The following DNAH11 variants were observed in gnomAD, a reference collection of about 807,000 sequenced individuals.
The protein encoded by DNAH11 is dynein axonemal heavy chain 11.
Under a neutral mutation model 526.0 loss-of-function variants are expected in DNAH11, and 442 were observed. The observed-to-expected ratio is 0.84, with a 90% CI of 0.78 to 0.91. The LOEUF (loss-of-function observed/expected upper bound fraction) is 0.91. DNAH11 is among the 40% of genes least tolerant of loss of function. DNAH11 has a pLI of 0.00. For missense variants in DNAH11, 6,989 were observed against 5,448.7 expected (o/e 1.28, Z -8.90); for synonymous variants, 2,461 against 1,935.9 (o/e 1.27, Z -7.12).
Position 21,854,318 on chromosome 7 carries a change from A to G in DNAH11, c.11065A>G (p.Ile3689Val), listed in dbSNP as rs1554288889. 6.2e-7 allele frequency: 1 copy of G among 1,613,742 alleles called. No homozygotes were observed. Among genetic ancestry groups the G allele is most frequent in the Non-Finnish European group, 8.5e-7 (1 of 1,179,796 alleles). ...TTVAEIEHKVIEAKENERKIN... is the reference protein window; with the variant it reads ...TTVAEIEHKVVEAKENERKIN... Reference sequence around the variant, plus strand: ...ATTTTGTTTGATCCCACCATAGGTGATTGAAGCCAAAGAAAATGAAAGAAA... The same window carrying G: ...ATTTTGTTTGATCCCACCATAGGTGGTTGAAGCCAAAGAAAATGAAAGAAA... Residue 3689 changes from isoleucine (I) to valine (V), a missense_variant, in exon 68 of 82, where the codon ATT becomes GTT. Transcript: ENST00000409508.
At chr7:21,616,481 A>G (rs1260271951) in intron 22 of DNAH11, among the ~76,000 whole-genome samples, 189 bp downstream of exon 22, 1 of 151,942 alleles carries the variant, frequency 6.6e-6, no homozygotes, top group African/African-American at 2.4e-5. Context: ...TCTGTGAGTG[A>G]GTTGATAGAA....
At position 21,749,798 on chromosome 7, in the gene DNAH11, T is replaced by G. The variant is rs368664931; in HGVS notation, c.8794T>G (p.Ser2932Ala). Residue 2932 changes from serine to alanine, a missense_variant, in exon 53 of 82, where the codon TCA becomes GCA. Coordinates refer to ENST00000409508, the MANE Select transcript of DNAH11 (RefSeq NM_001277115.2). ...CGTGCTGATTAATGACTTGCTGGCATCAGGTGATTAAACCAACACATTTCT... is the reference window on the plus strand; with the variant it reads ...CGTGCTGATTAATGACTTGCTGGCAGCAGGTGATTAAACCAACACATTTCT... ...FLVLINDLLA[S>A]GEIPDLFSDE... 97 of 1,613,704 alleles carry G rather than the reference T, an allele frequency of 6.0e-5. No individual in the cohort carries two copies. Among genetic ancestry groups the G allele is most frequent in the Non-Finnish European group, 1.1e-5 (13 of 1,179,838 alleles).
At chr7:21,720,582 A>T (rs1196726334) in intron 43 of DNAH11, 143 bp from the exon 44 acceptor site, 6 of 874,552 alleles carry the variant, frequency 6.9e-6, no homozygotes, top group Non-Finnish European at 9.8e-6. Context: ...CAAGGTGGTA[A>T]TTTTTGTCTC....
chr7:21,731,391 C>G (rs1583638106), intron 45 of DNAH11, among the ~76,000 whole-genome samples: 1 of 151,926 alleles, frequency 6.6e-6, no homozygotes, highest in East Asian at 1.9e-4. Context: ...TTGTTCCTGA[C>G]AACAACCAAA....
Position 21,588,594 on chromosome 7 carries a change from G to T in DNAH11, c.1931G>T (p.Arg644Leu). ...NMKWAQQVLQ[R>L]LQMFWSNFAS... ...AAATGGGCCCAGCAGGTTCTCCAAC[G>T]ACTTCAAATGTTTTGGTCAAACTTC... Residue 644 changes from arginine (R) to leucine (L), a missense_variant, in exon 11 of 82, where the codon CGA becomes CTA. By Grantham distance (102) the Arg-to-Leu change is moderately radical. Transcript: ENST00000409508. 6.2e-7 allele frequency: 1 copy of T among 1,613,662 alleles called. No individual in the cohort carries two copies. Among genetic ancestry groups the T allele is most frequent in the South Asian group, 1.1e-5 (1 of 91,076 alleles).
At chr7:21,684,019 G>A (rs1783259549) in intron 32 of DNAH11, 75 bp downstream of exon 32, 38 of 1,433,764 alleles carry the variant, frequency 2.7e-5, no homozygotes, top group Non-Finnish European at 3.4e-5. Context: ...TGAAAAGGAA[G>A]GAATGAGAGG....
chr7:21,762,528 G>C (rs1001297696), intron 54 of DNAH11, among the ~76,000 whole-genome samples: 11 of 152,236 alleles, frequency 7.2e-5, no homozygotes, highest in African/African-American at 2.6e-4. Context: ...CAAGTATAAG[G>C]AGAAAGCTGA....
At chr7:21,625,315 A>G (rs1281967885) in intron 25 of DNAH11, among the ~76,000 whole-genome samples, 5 of 152,126 alleles carry the variant, frequency 3.3e-5, no homozygotes, top group African/African-American at 1.2e-4. Flanking sequence ...AACTGTTCAT[A>G]GTAGTCTCTT....
At chr7:21,722,220 C>T (rs1201784827) in intron 44 of DNAH11, among the ~76,000 whole-genome samples, 2 of 152,140 alleles carry the variant, frequency 1.3e-5, no homozygotes, top group African/African-American at 2.4e-5. Context: ...CTCAGAGGGG[C>T]AAAGTAACTT....
At chr7:21,852,211 C>T (rs1292596685) in intron 66 of DNAH11, among the ~76,000 whole-genome samples, 3 of 151,986 alleles carry the variant, frequency 2.0e-5, no homozygotes, top group Admixed American at 2.0e-4. Context: ...TCGAGACCAG[C>T]TTGACCAACG....
At chr7:21,582,043 A>G (rs1306276370) in intron 9 of DNAH11, 22 bp downstream of exon 9, 2 of 1,502,248 alleles carry the variant, frequency 1.3e-6, no homozygotes, top group African/African-American at 1.4e-5. Flanking sequence ...AGAAGCTATC[A>G]TAAAAAACGT....
chr7:21,543,156 C>A lies in DNAH11; in HGVS notation c.-90C>A, dbSNP rs1782649259. 2.1e-6 allele frequency: 3 copies of A among 1,437,914 alleles called. No homozygotes were observed. Among genetic ancestry groups the A allele is most frequent in the South Asian group, 3.0e-5 (2 of 67,216 alleles). 89.1% of individuals were successfully genotyped at this position (1,437,914 alleles called of 1,614,324 possible). ...CGCGGCGACCGCGGAGGAGGGTGGG[C>A]GCCTGCGGAGGTGTCCTCGCTCACT... On this transcript the variant is annotated 5_prime_UTR_variant, in exon 1 of 82. Transcript: ENST00000409508.
Position 21,789,233 on chromosome 7 carries a change from A to T in DNAH11, c.9925-8A>T. The T allele has an allele frequency of 6.4e-7, 1 of 1,555,452 alleles. No individual in the cohort carries two copies. Among genetic ancestry groups the T allele is most frequent in the Middle Eastern group, 1.7e-4 (1 of 5,988 alleles). On this transcript the variant is annotated splice_polypyrimidine_tract_variant and splice_region_variant and intron_variant, in intron 60 of 81. Coordinates refer to ENST00000409508, the MANE Select transcript of DNAH11 (RefSeq NM_001277115.2). ...TCTTTGTATCTGTATTAATTCATGA[A>T]TTTTCAGGTCTACTGTGATGTGGAG...
At chr7:21,749,108 T>G (rs1786288932) in intron 52 of DNAH11, among the ~76,000 whole-genome samples, 1 of 152,076 alleles carries the variant, frequency 6.6e-6, no homozygotes, top group African/African-American at 2.4e-5. Context: ...ACTTCACAAG[T>G]AAAAATAGAT....
intron 31 of DNAH11, 185 bp downstream of exon 31, chr7:21,681,862 C>T (rs1783154453): frequency 5.2e-6 from 4 of 771,834 alleles, no homozygotes; most frequent in Middle Eastern, 7.3e-4. Context: ...CTGATGAGAC[C>T]TATTCCAAGT....
At chr7:21,764,410 C>G (rs1787079486) in intron 54 of DNAH11, among the ~76,000 whole-genome samples, 1 of 152,118 alleles carries the variant, frequency 6.6e-6, no homozygotes, top group Admixed American at 6.5e-5. Flanking sequence ...GTGTTAGAGA[C>G]TTAGAGGCAG....
At chr7:21,689,790 C>T (rs1453885685) in intron 34 of DNAH11, among the ~76,000 whole-genome samples, 1 of 152,214 alleles carries the variant, frequency 6.6e-6, no homozygotes, top group African/African-American at 2.4e-5. Flanking sequence ...GATGCAGACC[C>T]AGCTCCTTAA....
chr7:21,625,182 G>T (rs533318336), intron 25 of DNAH11, among the ~76,000 whole-genome samples: 1 of 151,770 alleles, frequency 6.6e-6, no homozygotes, highest in Non-Finnish European at 1.5e-5. Flanking sequence ...TCTTTTGAGG[G>T]GAAATATTTT....
At chr7:21,667,596 G>C (rs1202310391) in intron 30 of DNAH11, among the ~76,000 whole-genome samples, 1 of 152,088 alleles carries the variant, frequency 6.6e-6, no homozygotes, top group Non-Finnish European at 1.5e-5. Context: ...GAGAAAAAAG[G>C]ATTTGTCACC....
Sources: gnomAD v4.1 joint callset for allele counts (sites outside exome capture counted in the v4.1 genomes callset) on GRCh38, gnomAD v4.1.1 for gene constraint, MANE v1.5 for transcripts, NCBI Gene and HGNC (gene_info 2026-07-23, HGNC 2026-07-21) for gene names.